Variants in IGF1R observed in about 807,000 individuals in gnomAD.
The protein encoded by IGF1R is insulin-like growth factor 1 receptor.
In IGF1R, 44 loss-of-function variants were observed where a neutral mutation model predicts 144.6. The ratio of observed to expected loss-of-function variants is 0.30; its 90% confidence interval spans 0.24 to 0.39. IGF1R has a LOEUF of 0.39. Ranked by LOEUF, IGF1R falls within the 10% of genes least tolerant of loss-of-function variation. IGF1R has a pLI of 1.00. For missense variants in IGF1R, 1,355 were observed against 1,833.7 expected, an observed-to-expected ratio of 0.74 and a Z score of 4.77; for synonymous variants, 795 against 722.8, an observed-to-expected ratio of 1.10 and a Z score of -1.60.
At chr15:98,849,915 TTGGA>T (rs1218750986) in intron 2 of IGF1R, among the ~76,000 whole-genome samples, 1 of 152,228 alleles carries the variant, frequency 6.6e-6, no homozygotes, top group East Asian at 1.9e-4. Context: ...AACACACTCT[TTGGA>T]AAACAACCCC....
intron 2 of IGF1R, among the ~76,000 whole-genome samples, chr15:98,833,059 C>T (rs1567151865): frequency 6.6e-6 from 1 of 152,172 alleles, no homozygotes; most frequent in East Asian, 1.9e-4. Context: ...ATGGGCCTTT[C>T]CCCCTAGACT....
At chr15:98,825,256 C>T (rs1441711006) in intron 2 of IGF1R, among the ~76,000 whole-genome samples, 1 of 152,234 alleles carries the variant, frequency 6.6e-6, no homozygotes, top group African/African-American at 2.4e-5. Flanking sequence ...AAAACTGGTA[C>T]CTCCCAACAG....
intron 2 of IGF1R, among the ~76,000 whole-genome samples, chr15:98,776,115 G>A (rs945168037): frequency 3.2e-4 from 48 of 151,962 alleles, no homozygotes; most frequent in Non-Finnish European, 2.4e-4. Context: ...TTAAACTCCC[G>A]AAGGGAGGGT....
intron 2 of IGF1R, among the ~76,000 whole-genome samples, chr15:98,797,764 G>C (rs1210404627): frequency 6.6e-6 from 1 of 152,212 alleles, no homozygotes; most frequent in East Asian, 1.9e-4. Flanking sequence ...CAGAGACAAA[G>C]CCAACTCCAT....
chr15:98,675,144 A>G (rs1445197630), intron 1 of IGF1R, among the ~76,000 whole-genome samples: 1 of 152,002 alleles, frequency 6.6e-6, no homozygotes, highest in African/African-American at 2.4e-5. Flanking sequence ...GCATGCCACC[A>G]TGCCTGGCAA....
At chr15:98,723,645 G>T (rs979102345) in intron 2 of IGF1R, among the ~76,000 whole-genome samples, 1 of 152,130 alleles carries the variant, frequency 6.6e-6, no homozygotes, top group African/African-American at 2.4e-5. Flanking sequence ...GAGTAGGGCC[G>T]TTGCATTTAG....
chr15:98,860,589 C>T (rs1323842766), intron 2 of IGF1R, among the ~76,000 whole-genome samples: 1 of 152,124 alleles, frequency 6.6e-6, no homozygotes, highest in Non-Finnish European at 1.5e-5. Flanking sequence ...CATTTCTGGC[C>T]AACTTGAGGA....
intron 2 of IGF1R, among the ~76,000 whole-genome samples, chr15:98,794,682 TTGC>T (rs1242148499): frequency 6.6e-6 from 1 of 152,240 alleles, no homozygotes; most frequent in Non-Finnish European, 1.5e-5. Context: ...GTACAAATGT[TTGC>T]TGCTATTTGG....
chr15:98,728,007 G>GTT (rs10680958), intron 2 of IGF1R, among the ~76,000 whole-genome samples: 25,888 of 108,624 alleles, frequency 0.24, 3,731 homozygotes, highest in Middle Eastern at 0.36. Context: ...AAGATGCATT[G>GTT]TTTTTTTTTT....
rs555682190 is a variant in IGF1R, at chr15:98,915,743, C to G, written c.1829-221C>G. Among the ~76,000 whole-genome samples the G allele has an allele frequency of 3.3e-5, 5 of 152,314 alleles. No individual in the cohort carries two copies. The South Asian group carries it at 1.0e-3, about 32-fold the overall frequency. Reference sequence around the variant, plus strand: ...TTTACAACTCAGTAATGTTTGTTTTCACAGAGATTACCGGAGGAAATAGAT... The same window carrying G: ...TTTACAACTCAGTAATGTTTGTTTTGACAGAGATTACCGGAGGAAATAGAT... On this transcript the variant is annotated intron_variant, in intron 8 of 20. Coordinates refer to ENST00000650285, the MANE Select transcript of IGF1R (RefSeq NM_000875.5).
chr15:98,935,483 A>C lies in IGF1R; in HGVS notation c.3297+57A>C. ...TGCCTGGCCTGCTCTCTTTTCCTTT[A>C]TAATCTCCCTGCAAGGAAATGCTGT... On this transcript the variant is annotated intron_variant, in intron 17 of 20. Coordinates refer to ENST00000650285, the MANE Select transcript of IGF1R (RefSeq NM_000875.5). The surrounding 1 kb of genome is among the most constrained non-coding windows in gnomAD (Gnocchi z 4.2). 3 of 1,012,782 alleles carry C rather than the reference A, an allele frequency of 3.0e-6. No individual in the cohort carries two copies. Among genetic ancestry groups the C allele is most frequent in the Non-Finnish European group, 4.6e-6 (3 of 654,724 alleles). The allele number at this position is 1,012,782 out of a possible 1,614,324, so 62.7% of individuals were successfully genotyped here. A position where few individuals can be genotyped will look rare whatever the true frequency, so the allele number is the denominator to read the frequency against.
chr15:98,663,009 TG>T (rs2052637073), intron 1 of IGF1R, among the ~76,000 whole-genome samples: 1 of 152,018 alleles, frequency 6.6e-6, no homozygotes, highest in African/African-American at 2.4e-5. Context: ...GAGTCAGGAT[TG>T]GGGGACAGAT....
Position 98,957,373 on chromosome 15 carries a change from T to G in IGF1R, c.4035T>G (p.Pro1345=), listed in dbSNP as rs2151738725. 1 of 1,613,408 alleles carries G rather than the reference T, an allele frequency of 6.2e-7. No homozygotes were observed. The highest frequency in any genetic ancestry group is 8.5e-7 in the Non-Finnish European group (1 of 1,179,954). The part of the protein sequence containing the change: ...VLRASFDERQ[P]YAHMNGGRKN... ...GCGCCAGCTTCGACGAGAGACAGCC[T>G]TACGCCCACATGAACGGGGGCCGCA... Residue 1345 remains proline (P), a synonymous_variant, in exon 21 of 21, where the codon CCT becomes CCG. Transcript: ENST00000650285.
chr15:98,867,145 G>T (rs1596374896), intron 2 of IGF1R, among the ~76,000 whole-genome samples: 1 of 135,142 alleles, frequency 7.4e-6, no homozygotes, highest in African/African-American at 2.8e-5. Flanking sequence ...TGTGCCAGGA[G>T]AGAAAGGGGG....
In IGF1R at chr15:98,663,790, A is replaced by G. The variant is rs550243970; in HGVS notation, c.94+14115A>G. 2.6e-5 allele frequency among the ~76,000 whole-genome samples: 4 copies of G among 152,354 alleles called. No homozygotes were observed. In the East Asian group the frequency reaches 7.7e-4, roughly 29 times the overall value. On this transcript the variant is annotated intron_variant, in intron 1 of 20. Transcript: ENST00000650285. The stretch of plus-strand genomic sequence containing the variant: ...CCCCCGCTACCCTGAAGAGCTGGCC[A>G]ACGCGGCAGGGCTCTTTCCAGTCCT...
intron 2 of IGF1R, among the ~76,000 whole-genome samples, chr15:98,831,590 G>C (rs1162918787): frequency 1.3e-5 from 2 of 152,152 alleles, no homozygotes; most frequent in East Asian, 3.8e-4. Context: ...ATTAATAAGA[G>C]AAAAACCTAA....
chr15:98,846,345 C>T (rs1490615824), intron 2 of IGF1R, among the ~76,000 whole-genome samples: 2 of 152,068 alleles, frequency 1.3e-5, no homozygotes, highest in Non-Finnish European at 2.9e-5. Context: ...ATGCATTGAC[C>T]AGGATGAAGA....
At position 98,958,519 on chromosome 15, in the gene IGF1R, G is replaced by C. The variant is rs1263902581; in HGVS notation, c.*1077G>C. On this transcript the variant is annotated 3_prime_UTR_variant, in exon 21 of 21. Coordinates refer to ENST00000650285, the MANE Select transcript of IGF1R (RefSeq NM_000875.5). ...AATTCAAACACCACAACAGCAGTAA[G>C]AAGAAAAGCAGTCAATGGATTCAAG... is the stretch of plus-strand genomic sequence containing the variant. 1 of 228,570 alleles carries C rather than the reference G, an allele frequency of 4.4e-6. No individual in the cohort carries two copies. The highest frequency in any genetic ancestry group is 8.7e-6 in the Non-Finnish European group (1 of 115,002). 14.2% of individuals were successfully genotyped at this position (228,570 alleles called of 1,614,324 possible). A position where few individuals can be genotyped will look rare whatever the true frequency, so the allele number is the denominator to read the frequency against.
intron 11 of IGF1R, among the ~76,000 whole-genome samples, chr15:98,923,317 C>T (rs1188920897): frequency 1.3e-5 from 2 of 152,256 alleles, no homozygotes; most frequent in African/African-American, 4.8e-5. Flanking sequence ...TAGCACCAGC[C>T]TCCTAGCAGC....
Sources: gnomAD v4.1 joint callset for allele counts (sites outside exome capture counted in the v4.1 genomes callset) on GRCh38, gnomAD v4.1.1 for gene constraint, Gnocchi (gnomAD v3.1) non-coding constraint, MANE v1.5 for transcripts, NCBI Gene and HGNC (gene_info 2026-07-23, HGNC 2026-07-21) for gene names.